DMD: variants seen among roughly 807,000 people sequenced by gnomAD.
The protein encoded by DMD is mutant dystrophin.
A neutral mutation model predicts 330.1 loss-of-function variants in DMD; 63 were observed. The observed-to-expected ratio is 0.19, with a 90% confidence interval of 0.16 to 0.24. DMD has a LOEUF of 0.24. Among genes scored for constraint, DMD ranks in the 10% least tolerant of loss-of-function variants. The probability of loss-of-function intolerance (pLI) is 1.00; values close to 1 mark genes in which losing one functional copy is unlikely to be tolerated. For missense variants in DMD, 3,344 were observed against 2,684.1 expected (o/e 1.25, Z -5.43); for synonymous variants, 1,223 against 959.8 (o/e 1.27, Z -5.07).
chrX:32,453,301 T>C (rs995463863), intron 26 of DMD, among the ~76,000 whole-genome samples: 2 of 111,047 alleles, frequency 1.8e-5, no homozygotes, highest in Non-Finnish European at 3.8e-5. Context: ...AAGTTTTAGT[T>C]GATAAATATG....
intron 44 of DMD, among the ~76,000 whole-genome samples, chrX:32,121,396 C>T (rs2096634175): frequency 9.4e-6 from 1 of 106,350 alleles, no homozygotes; most frequent in Non-Finnish European, 1.9e-5. Flanking sequence ...AGCTGGTGGG[C>T]TGCTTCCTGC....
chrX:33,084,474 C>T (rs1016858416), intron 1 of DMD, among the ~76,000 whole-genome samples: 125 of 111,564 alleles, frequency 1.1e-3, no homozygotes, highest in African/African-American at 3.8e-3. Flanking sequence ...CTTGGTGGGT[C>T]GGGGGAAGCC....
intron 1 of DMD, among the ~76,000 whole-genome samples, chrX:33,267,415 G>T (rs1303599371): frequency 1.8e-5 from 2 of 110,868 alleles, no homozygotes; most frequent in Non-Finnish European, 3.8e-5. Flanking sequence ...AATTAAAATG[G>T]CTATACTGCA....
rs758969346 is a variant in DMD at position 32,736,823 on chromosome X, G to A, written c.650-37530C>T. Among the ~76,000 whole-genome samples, 917 of 109,009 alleles carry A rather than the reference G, an allele frequency of 8.4e-3. 5 individuals carry two copies. Among genetic ancestry groups the A allele is most frequent in the Non-Finnish European group, 0.013 (684 of 52,647 alleles). 94.7% of individuals were successfully genotyped at this position (109,009 alleles called of 115,157 possible). ...GGAGATTTATCTAATGCTAGATGAC[G>A]AGTTAGTGGGTGCAGCGCACCAGCA... On this transcript the variant is annotated intron_variant, in intron 7 of 78. Transcript: ENST00000357033.
chrX:33,171,527 C>T (rs1286461342), intron 1 of DMD, among the ~76,000 whole-genome samples: 3 of 111,106 alleles, frequency 2.7e-5, no homozygotes, highest in Non-Finnish European at 5.7e-5. Flanking sequence ...ATTGTATTGT[C>T]CTGATTCTTT....
intron 60 of DMD, among the ~76,000 whole-genome samples, chrX:31,434,420 A>ACG (rs1399986580): frequency 1.5e-4 from 2 of 13,021 alleles, no homozygotes; most frequent in South Asian, 5.2e-3. Flanking sequence ...GCGCGCGCGC[A>ACG]CACACACACA....
chrX:32,264,293 G>A (rs948152577), intron 43 of DMD, among the ~76,000 whole-genome samples: 1 of 111,645 alleles, frequency 9.0e-6, no homozygotes, highest in Admixed American at 9.5e-5. Context: ...GTTTCCTGAG[G>A]CCTCCCCAGC....
At chrX:32,408,852 C>G (rs1475682610) in intron 30 of DMD, among the ~76,000 whole-genome samples, 1 of 105,128 alleles carries the variant, frequency 9.5e-6, no homozygotes, top group Non-Finnish European at 2.0e-5. Flanking sequence ...CTATTCCTTT[C>G]TTTTCTTTCT....
intron 2 of DMD, among the ~76,000 whole-genome samples, chrX:32,860,433 C>T (rs1255387783): frequency 8.9e-6 from 1 of 111,802 alleles, no homozygotes; most frequent in Non-Finnish European, 1.9e-5. Flanking sequence ...TTACAAATCC[C>T]TAGACATTGG....
At chrX:32,248,752 T>A (rs993905611) in intron 43 of DMD, among the ~76,000 whole-genome samples, 2 of 111,158 alleles carry the variant, frequency 1.8e-5, no homozygotes, top group African/African-American at 6.5e-5. Flanking sequence ...TTATCAAGAA[T>A]AACTTGGTGT....
chrX:32,294,420 T>G (rs1430114616), intron 42 of DMD, among the ~76,000 whole-genome samples: 1 of 110,832 alleles, frequency 9.0e-6, no homozygotes, highest in East Asian at 2.8e-4. Context: ...ATGGTATGCG[T>G]GTGTTTGTGC....
At chrX:31,260,901 T>C (rs1280573500) in intron 63 of DMD, 54 bp downstream of exon 63, 1 of 1,117,400 alleles carries the variant, frequency 8.9e-7, no homozygotes. Flanking sequence ...CAAACTACTT[T>C]ATCCTAAAGG....
At chrX:31,167,855 T>C (rs1602321886) in intron 74 of DMD, among the ~76,000 whole-genome samples, 1 of 111,730 alleles carries the variant, frequency 9.0e-6, no homozygotes, top group Non-Finnish European at 1.9e-5. Context: ...CTGGAGGATA[T>C]GAAGATGATT....
chrX:31,885,608 T>A (rs1170394034), intron 47 of DMD, among the ~76,000 whole-genome samples: 1 of 35,049 alleles, frequency 2.9e-5, no homozygotes, highest in Non-Finnish European at 4.5e-5. Flanking sequence ...AGACTCCGTC[T>A]CACAAAAAAA....
intron 44 of DMD, among the ~76,000 whole-genome samples, chrX:32,139,454 C>G (rs1179180190): frequency 8.9e-6 from 1 of 112,224 alleles, no homozygotes; most frequent in Non-Finnish European, 1.9e-5. Flanking sequence ...GCTTTTGACA[C>G]ATTTGTCATT....
intron 9 of DMD, among the ~76,000 whole-genome samples, chrX:32,655,088 G>A (rs764524300): frequency 2.7e-5 from 3 of 110,731 alleles, no homozygotes; most frequent in African/African-American, 9.9e-5. Flanking sequence ...ATCATAACCA[G>A]CTCCTAGATT....
At chrX:32,232,390 T>C (rs2097172134) in intron 43 of DMD, among the ~76,000 whole-genome samples, 1 of 111,517 alleles carries the variant, frequency 9.0e-6, no homozygotes, top group African/African-American at 3.3e-5. Context: ...AGTTTGAATC[T>C]ACTGACACCA....
At chrX:31,658,564 G>A (rs966216357) in intron 53 of DMD, among the ~76,000 whole-genome samples, 4 of 111,881 alleles carry the variant, frequency 3.6e-5, no homozygotes, top group Non-Finnish European at 7.5e-5. Context: ...TGTAATTAGT[G>A]CCATCTACTG....
intron 9 of DMD, among the ~76,000 whole-genome samples, chrX:32,665,651 A>G (rs897326944): frequency 9.0e-6 from 1 of 111,476 alleles, no homozygotes; most frequent in Non-Finnish European, 1.9e-5. Flanking sequence ...CAAGTAAGCA[A>G]AAAATATATG....
Sources: allele counts gnomAD v4.1 joint callset (sites outside exome capture counted in the v4.1 genomes callset), GRCh38; gene constraint gnomAD v4.1.1; transcripts MANE v1.5; gene names NCBI Gene and HGNC (gene_info 2026-07-23, HGNC 2026-07-21).